The following FRS2 variants were observed in gnomAD, a reference collection of about 807,000 sequenced individuals.
FRS2 encodes FGFR signalling adaptor.
In FRS2, 8 loss-of-function variants were observed where a neutral mutation model predicts 43.9. The observed-to-expected ratio is 0.18, with a 90% confidence interval of 0.11 to 0.33. FRS2 has a LOEUF of 0.33. FRS2 is among the 10% of genes least tolerant of loss of function. The probability of loss-of-function intolerance (pLI) is 1.00; values close to 1 mark genes in which losing one functional copy is unlikely to be tolerated. For synonymous variants in FRS2, 219 were observed against 220.3 expected, an observed-to-expected ratio of 0.99 and a Z score of 0.05; for missense variants, 534 against 627.6, an observed-to-expected ratio of 0.85 and a Z score of 1.59.
chr12:69,524,316 C>T (rs922402774), intron 1 of FRS2, among the ~76,000 whole-genome samples: 1 of 151,990 alleles, frequency 6.6e-6, no homozygotes, highest in East Asian at 1.9e-4. Flanking sequence ...AAGATTCCTG[C>T]TGGCACACAC....
chr12:69,474,865 A>G (rs1292861420), intron 1 of FRS2, among the ~76,000 whole-genome samples: 1 of 152,250 alleles, frequency 6.6e-6, no homozygotes, highest in Non-Finnish European at 1.5e-5. Context: ...GATAATATTT[A>G]CATCTCATTA....
chr12:69,484,941 TAAC>T (rs1365313113), intron 1 of FRS2, among the ~76,000 whole-genome samples: 1 of 152,080 alleles, frequency 6.6e-6, no homozygotes, highest in Non-Finnish European at 1.5e-5. Context: ...ATCATTATGG[TAAC>T]AACAGAAGAC....
chr12:69,522,841 G>A (rs1193266793), intron 1 of FRS2, among the ~76,000 whole-genome samples: 2 of 152,154 alleles, frequency 1.3e-5, no homozygotes, highest in Admixed American at 6.5e-5. Flanking sequence ...TAATTTCATT[G>A]TTTACCCAAA....
At chr12:69,544,011 C>CA (rs1878144240) in intron 3 of FRS2, among the ~76,000 whole-genome samples, 1 of 112,028 alleles carries the variant, frequency 8.9e-6, no homozygotes, top group Admixed American at 1.4e-4. Context: ...TTGAAGTGGA[C>CA]AAAAAATGAC....
At chr12:69,559,150 C>A (rs1879673557) in intron 3 of FRS2, among the ~76,000 whole-genome samples, 1 of 152,062 alleles carries the variant, frequency 6.6e-6, no homozygotes, top group African/African-American at 2.4e-5. Context: ...AAAAGAAATG[C>A]CACTTTATTA....
intron 1 of FRS2, among the ~76,000 whole-genome samples, chr12:69,483,000 A>G (rs554556668): frequency 4.9e-4 from 75 of 152,314 alleles, no homozygotes; most frequent in Non-Finnish European, 8.8e-4. Context: ...GTTTAATATT[A>G]TACATGCTAG....
intron 1 of FRS2, among the ~76,000 whole-genome samples, chr12:69,518,892 T>G (rs1007714999): frequency 3.3e-5 from 5 of 150,168 alleles, no homozygotes; most frequent in Non-Finnish European, 5.9e-5. Context: ...TGCATGCCTG[T>G]AATCCCAGCT....
At chr12:69,569,188 A>G in intron 5 of FRS2, 92 bp downstream of exon 5, 1 of 695,854 alleles carries the variant, frequency 1.4e-6, no homozygotes, top group Non-Finnish European at 2.5e-6. Flanking sequence ...GGCTTTTATC[A>G]CCAAACCTTT....
intron 7 of FRS2, among the ~76,000 whole-genome samples, chr12:69,571,682 A>C (rs1880771920): frequency 6.6e-6 from 1 of 152,174 alleles, no homozygotes; most frequent in Non-Finnish European, 1.5e-5. Flanking sequence ...TAACACTGTG[A>C]ACCTCCATCT....
At chr12:69,491,418 T>A (rs1872472505) in intron 1 of FRS2, 1 of 152,014 alleles carries the variant, frequency 6.6e-6, no homozygotes, top group Non-Finnish European at 1.5e-5. Flanking sequence ...TTTTAATGGC[T>A]GTATAGTATC....
intron 1 of FRS2, among the ~76,000 whole-genome samples, chr12:69,479,368 C>T (rs138936546): frequency 2.0e-5 from 3 of 148,104 alleles, no homozygotes; most frequent in South Asian, 4.2e-4. Context: ...ATTGACAGTC[C>T]TTTACAGTTA....
At chr12:69,551,166 C>T (rs1309435348) in intron 3 of FRS2, among the ~76,000 whole-genome samples, 2 of 152,158 alleles carry the variant, frequency 1.3e-5, no homozygotes, top group African/African-American at 4.8e-5. Context: ...CCTTGGGCAA[C>T]ATTGTGAGAC....
intron 4 of FRS2, among the ~76,000 whole-genome samples, chr12:69,566,588 CAA>C (rs1404913454): frequency 6.7e-6 from 1 of 148,948 alleles, no homozygotes; most frequent in Non-Finnish European, 1.5e-5. Context: ...GCCTGAGCAA[CAA>C]GAGCGAAATT....
At chr12:69,572,637 G>C (rs1880860161) in intron 8 of FRS2, among the ~76,000 whole-genome samples, 1 of 152,164 alleles carries the variant, frequency 6.6e-6, no homozygotes, top group African/African-American at 2.4e-5. Flanking sequence ...CGAGTAGGAA[G>C]GTAGATTTTG....
chr12:69,516,074 T>G (rs1174860708), intron 1 of FRS2, among the ~76,000 whole-genome samples: 1 of 152,090 alleles, frequency 6.6e-6, no homozygotes, highest in African/African-American at 2.4e-5. Context: ...AATTATTACT[T>G]TAGTACAAGT....
intron 3 of FRS2, among the ~76,000 whole-genome samples, chr12:69,555,498 C>T (rs1230281276): frequency 6.6e-6 from 1 of 152,132 alleles, no homozygotes; most frequent in Non-Finnish European, 1.5e-5. Context: ...TTGTTGTTGG[C>T]ATTTCATGAG....
At chr12:69,515,833 C>G (rs1565739314) in intron 1 of FRS2, among the ~76,000 whole-genome samples, 1 of 146,474 alleles carries the variant, frequency 6.8e-6, no homozygotes, top group Non-Finnish European at 1.5e-5. Flanking sequence ...TCTTAAGCCT[C>G]TCTACCAGTT....
At chr12:69,562,875 G>A (rs1020928361) in intron 4 of FRS2, among the ~76,000 whole-genome samples, 2 of 151,900 alleles carry the variant, frequency 1.3e-5, no homozygotes, top group Non-Finnish European at 2.9e-5. Context: ...TTTTTGTGGA[G>A]ACAGAGTCTC....
chr12:69,477,271 A>G (rs1870876456), intron 1 of FRS2, among the ~76,000 whole-genome samples: 1 of 129,980 alleles, frequency 7.7e-6, no homozygotes, highest in Non-Finnish European at 1.6e-5. Flanking sequence ...ATTTTAAAAT[A>G]CTTTTTTTTT....
Sources: gnomAD v4.1 joint callset for allele counts (sites outside exome capture counted in the v4.1 genomes callset) on GRCh38, gnomAD v4.1.1 for gene constraint, MANE v1.5 for transcripts, NCBI Gene and HGNC (gene_info 2026-07-23, HGNC 2026-07-21) for gene names.